Variants in FBLN7 observed in about 807,000 individuals in gnomAD.
FBLN7 encodes the protein fibulin-7.
Under a neutral mutation model 44.0 loss-of-function variants are expected in FBLN7, and 31 were observed. That is an observed-to-expected ratio of 0.70 (90% CI 0.53 to 0.95). The LOEUF is 0.95. FBLN7 is among the 40% of genes least tolerant of loss of function. FBLN7 has a pLI of 0.00. For missense variants in FBLN7, 573 were observed against 618.5 expected (o/e 0.93, Z 0.78); for synonymous variants, 262 against 253.4 (o/e 1.03, Z -0.32).
intron 1 of FBLN7, among the ~76,000 whole-genome samples, chr2:112,147,840 C>G (rs188360533): frequency 6.6e-6 from 1 of 152,110 alleles, no homozygotes; most frequent in African/African-American, 2.4e-5. Flanking sequence ...TTTTTCTACA[C>G]GGAAACTTTT....
the FBLN7 span, among the ~76,000 whole-genome samples, chr2:112,224,878 C>CT: frequency 6.6e-6 from 1 of 152,116 alleles, no homozygotes; most frequent in African/African-American, 2.4e-5. Flanking sequence ...ATGGAATGTC[C>CT]TATTTATTGA....
intron 4 of FBLN7, among the ~76,000 whole-genome samples, chr2:112,180,027 G>A (rs1277675721): frequency 1.3e-5 from 2 of 152,156 alleles, no homozygotes; most frequent in Non-Finnish European, 2.9e-5. Flanking sequence ...CATAGCAAAA[G>A]AAAGTATCAA....
At chr2:112,229,806 C>G in the FBLN7 span, among the ~76,000 whole-genome samples, 1 of 151,828 alleles carries the variant, frequency 6.6e-6, no homozygotes, top group Non-Finnish European at 1.5e-5. Context: ...CAGCAAAGCT[C>G]CAAAACTTAA....
intron 2 of FBLN7, among the ~76,000 whole-genome samples, chr2:112,162,201 G>A (rs889465944): frequency 2.4e-4 from 37 of 151,616 alleles, no homozygotes; most frequent in African/African-American, 9.0e-4. Flanking sequence ...GTAAAGATGG[G>A]GTCTCACTAT....
At chr2:112,193,638 A>C in the FBLN7 span, among the ~76,000 whole-genome samples, 1 of 152,214 alleles carries the variant, frequency 6.6e-6, no homozygotes, top group East Asian at 1.9e-4. Context: ...GATTGTGCAG[A>C]ACCTGTGGGT....
the FBLN7 span, among the ~76,000 whole-genome samples, chr2:112,235,936 TA>T: frequency 2.0e-4 from 25 of 122,570 alleles, no homozygotes; most frequent in African/African-American, 1.9e-4. Flanking sequence ...AGTATAACAC[TA>T]AAAAAAAAAA....
At chr2:112,155,068 CT>C (rs1681346973) in intron 1 of FBLN7, among the ~76,000 whole-genome samples, 1 of 152,138 alleles carries the variant, frequency 6.6e-6, no homozygotes. Context: ...GGGACTTGTT[CT>C]TTGTTTGAAT....
chr2:112,195,251 C>T, the FBLN7 span, among the ~76,000 whole-genome samples: 2 of 152,214 alleles, frequency 1.3e-5, no homozygotes, highest in African/African-American at 4.8e-5. Flanking sequence ...TCGTAGCAAT[C>T]TAGTTTCTTA....
the FBLN7 span, chr2:112,211,440 G>C: frequency 6.6e-6 from 1 of 152,012 alleles, no homozygotes; most frequent in African/African-American, 2.4e-5. Context: ...GAAAGGAGAG[G>C]GGGCAAAGAA....
chr2:112,169,966 C>T (rs1035425104), intron 3 of FBLN7, among the ~76,000 whole-genome samples: 4 of 152,130 alleles, frequency 2.6e-5, no homozygotes, highest in African/African-American at 4.8e-5. Context: ...AGGGGCCAGG[C>T]GCGGTGGTTC....
chr2:112,199,974 C>T, the FBLN7 span, among the ~76,000 whole-genome samples: 1 of 152,218 alleles, frequency 6.6e-6, no homozygotes, highest in African/African-American at 2.4e-5. Flanking sequence ...TCCCAGCCTC[C>T]AGAACCATGA....
At chr2:112,165,705 C>T (rs989077640) in intron 3 of FBLN7, among the ~76,000 whole-genome samples, 2 of 152,194 alleles carry the variant, frequency 1.3e-5, no homozygotes, top group Non-Finnish European at 2.9e-5. Flanking sequence ...GCTGAGGAAA[C>T]TCCTCAGGTG....
chr2:112,197,258 CACACACACACACACACAGAGAGAGAG>C, the FBLN7 span, among the ~76,000 whole-genome samples: 1 of 127,086 alleles, frequency 7.9e-6, no homozygotes, highest in East Asian at 2.2e-4. Flanking sequence ...CACACACACA[CACACACACACACACACAGAGAGAGAG>C]AGAGAGAGAG....
intron 4 of FBLN7, among the ~76,000 whole-genome samples, chr2:112,180,748 G>A (rs1439642401): frequency 5.3e-5 from 8 of 151,708 alleles, no homozygotes; most frequent in Non-Finnish European, 1.0e-4. Flanking sequence ...GTGAAACCCC[G>A]TCTCTACTAA....
At chr2:112,224,817 G>A in the FBLN7 span, among the ~76,000 whole-genome samples, 1 of 152,212 alleles carries the variant, frequency 6.6e-6, no homozygotes, top group Non-Finnish European at 1.5e-5. Context: ...AGGTCTGAGA[G>A]AAGGAGAAGA....
At chr2:112,207,373 G>A in the FBLN7 span, among the ~76,000 whole-genome samples, 6 of 151,804 alleles carry the variant, frequency 4.0e-5, no homozygotes, top group East Asian at 3.9e-4. Flanking sequence ...AGGCTGAAGC[G>A]GGAGAATTGC....
chr2:112,233,182 GT>G, the FBLN7 span: 1 of 902,382 alleles, frequency 1.1e-6, no homozygotes, highest in Non-Finnish European at 1.6e-6. Flanking sequence ...TAAAACACTG[GT>G]TTCATTAAAA....
intron 1 of FBLN7, among the ~76,000 whole-genome samples, chr2:112,155,592 C>T (rs895378493): frequency 6.6e-6 from 1 of 152,208 alleles, no homozygotes; most frequent in Non-Finnish European, 1.5e-5. Context: ...TCTCCCTCCC[C>T]GCCTGGGACG....
At chr2:112,220,434 C>T in the FBLN7 span, among the ~76,000 whole-genome samples, 1 of 152,078 alleles carries the variant, frequency 6.6e-6, no homozygotes, top group African/African-American at 2.4e-5. Flanking sequence ...ATATAAAATT[C>T]TTGGTTGAAA....
Sources: gnomAD v4.1 joint callset for allele counts (sites outside exome capture counted in the v4.1 genomes callset) on GRCh38, gnomAD v4.1.1 for gene constraint, MANE v1.5 for transcripts, NCBI Gene and HGNC (gene_info 2026-07-23, HGNC 2026-07-21) for gene names.